The following TWIST2 variants were observed in gnomAD, a reference collection of about 807,000 sequenced individuals.
TWIST2 encodes twist family bHLH transcription factor 2, also known as twist-related protein 2.
A neutral mutation model predicts 11.6 loss-of-function variants in TWIST2; 1 was observed. That is an observed-to-expected ratio of 0.09 (90% confidence interval 0.03 to 0.41). The LOEUF is 0.41. TWIST2 is among the 10% of genes least tolerant of loss of function. TWIST2 has a pLI of 0.98. For synonymous variants in TWIST2, 87 were observed against 96.6 expected (o/e 0.90, Z 0.58); for missense variants, 168 against 226.4 (o/e 0.74, Z 1.66).
rs751874652 is a variant in TWIST2, at chr2:238,867,411, A to ACACACACACACACACACACT, written c.*35+18679_*35+18680insACACACACACACACACACTC. 2.3e-4 allele frequency among the ~76,000 whole-genome samples: 33 copies of ACACACACACACACACACACT among 144,888 alleles called. No homozygotes were observed. Among genetic ancestry groups the ACACACACACACACACACACT allele is most frequent in the Non-Finnish European group, 4.3e-4 (28 of 65,710 alleles). ...CACACACACACACACACACACACAC[A>ACACACACACACACACACACT]CTCCTCAGTAAAATACCCAGTTCTC... On this transcript the variant is annotated intron_variant, in intron 1 of 1. Transcript: ENST00000612363. The surrounding 1 kb of genome is among the most constrained non-coding windows in gnomAD (Gnocchi z 4.8).
intron 1 of TWIST2, among the ~76,000 whole-genome samples, chr2:238,885,700 A>C (rs1693021886): frequency 6.6e-6 from 1 of 152,186 alleles, no homozygotes; most frequent in Admixed American, 6.5e-5. Flanking sequence ...TATGACTGGG[A>C]GGCTTATCAG....
intron 1 of TWIST2, among the ~76,000 whole-genome samples, chr2:238,885,592 C>A (rs878989288): frequency 6.6e-6 from 1 of 152,018 alleles, no homozygotes; most frequent in Admixed American, 6.6e-5. Context: ...ATTCCAGGTG[C>A]CATTGAGAGT....
intron 1 of TWIST2, among the ~76,000 whole-genome samples, chr2:238,884,142 G>C (rs1001841431): frequency 1.3e-5 from 2 of 152,198 alleles, no homozygotes; most frequent in Non-Finnish European, 2.9e-5. Context: ...CATCTTCTGG[G>C]AAACAATGGG....
At chr2:238,901,443 C>T (rs36169106) in intron 1 of TWIST2, among the ~76,000 whole-genome samples, 2 of 152,152 alleles carry the variant, frequency 1.3e-5, no homozygotes, top group Non-Finnish European at 2.9e-5. Flanking sequence ...GCAGACAATT[C>T]TGGTTTTCTC....
intron 1 of TWIST2, among the ~76,000 whole-genome samples, chr2:238,905,941 GTGC>G: frequency 1.8e-5 from 2 of 108,854 alleles, no homozygotes; most frequent in Admixed American, 7.7e-5. Flanking sequence ...GCGCGTGTGT[GTGC>G]GCGCGCGTGT....
chr2:238,848,833 G>T, intron 1 of TWIST2, 100 bp downstream of exon 1: 1 of 983,308 alleles, frequency 1.0e-6, no homozygotes, highest in Non-Finnish European at 1.3e-6. Flanking sequence ...GCGAGGCCCC[G>T]CGGGCCGCGG....
chr2:238,882,054 G>GTC (rs143351834), intron 1 of TWIST2, among the ~76,000 whole-genome samples: 17,593 of 151,602 alleles, frequency 0.12, 1,172 homozygotes, highest in Non-Finnish European at 0.15. Flanking sequence ...CTCTGTTTCT[G>GTC]TCTCTCTCTC....
intron 1 of TWIST2, among the ~76,000 whole-genome samples, chr2:238,888,739 C>T (rs969524257): frequency 6.6e-6 from 1 of 152,148 alleles, no homozygotes; most frequent in Non-Finnish European, 1.5e-5. Flanking sequence ...ATAATAACGG[C>T]GAAGTCCTGT....
intron 1 of TWIST2, among the ~76,000 whole-genome samples, chr2:238,905,942 TGCGCGC>T (rs1307469908): frequency 1.8e-5 from 2 of 109,734 alleles, no homozygotes; most frequent in African/African-American, 3.8e-5. Flanking sequence ...CGCGTGTGTG[TGCGCGC>T]GCGTGTGTAC....
chr2:238,898,979 A>G (rs905230621), intron 1 of TWIST2, among the ~76,000 whole-genome samples: 12 of 152,222 alleles, frequency 7.9e-5, no homozygotes, highest in Admixed American at 5.9e-4. Flanking sequence ...GCTCCCCTAC[A>G]TAGTATGTGC....
chr2:238,909,127 GTGTTCGT>G (rs1693409662), intron 1 of TWIST2, among the ~76,000 whole-genome samples: 1 of 140,708 alleles, frequency 7.1e-6, no homozygotes. Context: ...GGGGTGGGGT[GTGTTCGT>G]GGGTGTGGTA....
At position 238,864,619 on chromosome 2, in the gene TWIST2, G is replaced by A. The variant is rs1446355970; in HGVS notation, c.*35+15886G>A. Among the ~76,000 whole-genome samples, 3 of 152,202 alleles carry A rather than the reference G, an allele frequency of 2.0e-5. No individual in the cohort carries two copies. The highest frequency in any genetic ancestry group is 4.4e-5 in the Non-Finnish European group (3 of 68,028). The stretch of plus-strand genomic sequence containing the variant: ...CACCCGGCCCGGCCAAGACCAGCAG[G>A]ACAGGGGCCCAGAGGCTGGTACCCT... On this transcript the variant is annotated intron_variant, in intron 1 of 1. Transcript: ENST00000612363. This position sits in a 1 kb window ranked among gnomAD's most constrained non-coding sequence, Gnocchi z 4.7.
At chr2:238,862,855 G>A (rs932025829) in intron 1 of TWIST2, among the ~76,000 whole-genome samples, 1 of 152,186 alleles carries the variant, frequency 6.6e-6, no homozygotes, top group African/African-American at 2.4e-5. Flanking sequence ...CAGCAAATGT[G>A]TGTTGTAAGT....
chr2:238,857,225 T>C (rs1010633621), intron 1 of TWIST2, among the ~76,000 whole-genome samples: 3 of 152,142 alleles, frequency 2.0e-5, no homozygotes, highest in African/African-American at 7.2e-5. Flanking sequence ...TGCTGGCTGT[T>C]TGCAAGTAGC....
rs1393865277 is a variant in TWIST2 at position 238,900,220 on chromosome 2, TGAGAATTAA to T, written c.*36-9618_*36-9610del. Among the ~76,000 whole-genome samples the T allele has an allele frequency of 5.3e-5, 8 of 152,318 alleles. No individual in the cohort carries two copies. In the East Asian group the frequency reaches 1.5e-3, roughly 29 times the overall value. ...GATGAGTTTGGTAACTTGGACAGCA[TGAGAATTAA>T]GAGTGTGAGTTCACGAATCCGACTG... is the stretch of plus-strand genomic sequence containing the variant. On this transcript the variant is annotated intron_variant, in intron 1 of 1. Coordinates refer to ENST00000612363, the MANE Select transcript of TWIST2 (RefSeq NM_001271893.4).
At chr2:238,873,666 A>G (rs1692752033) in intron 1 of TWIST2, among the ~76,000 whole-genome samples, 1 of 152,222 alleles carries the variant, frequency 6.6e-6, no homozygotes, top group Admixed American at 6.5e-5. Flanking sequence ...CCTGTGCCCA[A>G]TGCACGGTGC....
intron 1 of TWIST2, among the ~76,000 whole-genome samples, chr2:238,871,162 C>CACACACA: frequency 1.2e-4 from 1 of 8,066 alleles, no homozygotes; most frequent in African/African-American, 5.5e-4. Flanking sequence ...CACCACACAC[C>CACACACA]CCACACACAC....
chr2:238,904,742 T>C (rs1693321067), intron 1 of TWIST2, among the ~76,000 whole-genome samples: 1 of 151,392 alleles, frequency 6.6e-6, no homozygotes, highest in Non-Finnish European at 1.5e-5. Flanking sequence ...TGGCACATGA[T>C]AGATGCTCAA....
chr2:238,886,467 G>A (rs952367841), intron 1 of TWIST2, among the ~76,000 whole-genome samples: 2 of 152,104 alleles, frequency 1.3e-5, no homozygotes, highest in African/African-American at 4.8e-5. Flanking sequence ...AGAAGATGCC[G>A]TAAGGGTTGT....
Sources: gnomAD v4.1 joint callset for allele counts (sites outside exome capture counted in the v4.1 genomes callset) on GRCh38, gnomAD v4.1.1 for gene constraint, Gnocchi (gnomAD v3.1) non-coding constraint, MANE v1.5 for transcripts, NCBI Gene and HGNC (gene_info 2026-07-23, HGNC 2026-07-21) for gene names.